Variants in XRN1 observed in about 807,000 individuals in gnomAD.
XRN1 encodes the protein 5'-3' exoribonuclease 1.
Under a neutral mutation model 222.3 loss-of-function variants are expected in XRN1, and 67 were observed. The ratio of observed to expected loss-of-function variants is 0.30; its 90% CI spans 0.25 to 0.37. XRN1 has a LOEUF of 0.37. Among genes scored for constraint, XRN1 ranks in the 10% least tolerant of loss-of-function variants. The pLI is 1.00. For synonymous variants in XRN1, 643 were observed against 652.4 expected (o/e 0.99, Z 0.22); for missense variants, 1,707 against 2,000.2 (o/e 0.85, Z 2.80).
chr3:142,442,602 C>T (rs986226161), intron 1 of XRN1, among the ~76,000 whole-genome samples: 2 of 152,158 alleles, frequency 1.3e-5, no homozygotes, highest in Admixed American at 6.5e-5. Context: ...TGATAGCACC[C>T]ATCAGATGGC....
Position 142,409,205 on chromosome 3 carries a change from A to G in XRN1, c.1713+3339T>C, listed in dbSNP as rs187717487. ...TGGAAATTTTTTTGATTTTGGTGAA[A>G]TCTATTTTCTCAATTCTTTCCCTTT... On this transcript the variant is annotated intron_variant, in intron 15 of 40. Transcript: ENST00000392981. 4.2e-3 allele frequency among the ~76,000 whole-genome samples: 637 copies of G among 152,162 alleles called. 5 individuals carry two copies. Among genetic ancestry groups the G allele is most frequent in the African/African-American group, 0.015 (610 of 41,492 alleles).
intron 33 of XRN1, among the ~76,000 whole-genome samples, chr3:142,346,375 T>C (rs1166766365): frequency 2.0e-5 from 3 of 152,182 alleles, no homozygotes; most frequent in African/African-American, 7.2e-5. Context: ...AGATTACTTA[T>C]AATGCTTGAT....
At chr3:142,440,940 A>G (rs1013878967) in intron 1 of XRN1, among the ~76,000 whole-genome samples, 9 of 152,168 alleles carry the variant, frequency 5.9e-5, no homozygotes, top group African/African-American at 2.2e-4. Flanking sequence ...TTAGCCCAAG[A>G]CTTGAGCCAA....
intron 39 of XRN1, among the ~76,000 whole-genome samples, chr3:142,316,791 G>C (rs1458960268): frequency 6.6e-6 from 1 of 152,138 alleles, no homozygotes; most frequent in East Asian, 1.9e-4. Flanking sequence ...GGGTAGGCAA[G>C]GCATGAAGGC....
At chr3:142,330,667 T>C (rs2065671207) in intron 36 of XRN1, among the ~76,000 whole-genome samples, 1 of 151,978 alleles carries the variant, frequency 6.6e-6, no homozygotes, top group Non-Finnish European at 1.5e-5. Flanking sequence ...CATCTTTATC[T>C]AATTTTGTCT....
At chr3:142,342,363 T>C (rs1285790075) in intron 33 of XRN1, among the ~76,000 whole-genome samples, 1 of 152,128 alleles carries the variant, frequency 6.6e-6, no homozygotes, top group Admixed American at 6.5e-5. Flanking sequence ...AAATGTCCTA[T>C]TACTCAAAGG....
Position 142,442,452 on chromosome 3 carries a change from G to T in XRN1, c.75+5418C>A, listed in dbSNP as rs1408489585. On this transcript the variant is annotated intron_variant, in intron 1 of 40. Coordinates refer to ENST00000392981, the MANE Select transcript of XRN1 (RefSeq NM_001282857.2). ...AACCAAGCCCCAGTACTCAGAAGAA[G>T]AAATAGAATGGGGAAGCTCACGAGG... is the stretch of plus-strand genomic sequence containing the variant. Among the ~76,000 whole-genome samples, 6 of 152,198 alleles carry T rather than the reference G, an allele frequency of 3.9e-5. No homozygotes were observed. The East Asian group carries it at 1.2e-3, about 29-fold the overall frequency.
At chr3:142,326,690 T>C (rs2065526292) in intron 37 of XRN1, among the ~76,000 whole-genome samples, 1 of 152,140 alleles carries the variant, frequency 6.6e-6, no homozygotes, top group Non-Finnish European at 1.5e-5. Context: ...AAAGTGGGCA[T>C]CCTTGTCTTG....
intron 20 of XRN1, among the ~76,000 whole-genome samples, chr3:142,390,818 A>G (rs2107974953): frequency 6.6e-6 from 1 of 152,204 alleles, no homozygotes; most frequent in South Asian, 2.1e-4. Flanking sequence ...CCAGCTTTTG[A>G]TTTAAACCTA....
chr3:142,343,659 T>C (rs1188286155), intron 33 of XRN1, among the ~76,000 whole-genome samples: 2 of 152,064 alleles, frequency 1.3e-5, no homozygotes, highest in African/African-American at 2.4e-5. Flanking sequence ...ACAAACACTA[T>C]GGAGAACAAT....
chr3:142,389,761 C>G (rs2067647186), intron 20 of XRN1, among the ~76,000 whole-genome samples: 1 of 152,178 alleles, frequency 6.6e-6, no homozygotes, highest in Non-Finnish European at 1.5e-5. Context: ...CCCAGGTGAT[C>G]CACCCACCTC....
intron 18 of XRN1, 136 bp from the exon 19 acceptor site, chr3:142,400,683 C>T (rs1162554786): frequency 6.9e-6 from 4 of 578,926 alleles, no homozygotes; most frequent in African/African-American, 5.7e-5. Flanking sequence ...CAGTGACTCA[C>T]ACCTGTAATC....
intron 19 of XRN1, among the ~76,000 whole-genome samples, chr3:142,399,284 G>A (rs1309457370): frequency 6.8e-6 from 1 of 147,440 alleles, no homozygotes; most frequent in Non-Finnish European, 1.5e-5. Context: ...CACACTACCT[G>A]ATGTTAAGAC....
intron 15 of XRN1, among the ~76,000 whole-genome samples, chr3:142,409,245 C>T (rs1458928204): frequency 2.0e-5 from 3 of 152,020 alleles, no homozygotes; most frequent in African/African-American, 7.2e-5. Flanking sequence ...TTAGTGATTT[C>T]AGAATCTTGA....
At position 142,393,369 on chromosome 3, in the gene XRN1, C is replaced by T. The variant is rs369567496; in HGVS notation, c.2339+3960G>A. On this transcript the variant is annotated intron_variant, in intron 20 of 40. Coordinates refer to ENST00000392981, the MANE Select transcript of XRN1 (RefSeq NM_001282857.2). ...TCAATTTTGTCTTTTGTTGCCATTGCTTTTGGTGTTTTAGACATGAAGTCC... is the reference window on the plus strand; with the variant it reads ...TCAATTTTGTCTTTTGTTGCCATTGTTTTTGGTGTTTTAGACATGAAGTCC... Among the ~76,000 whole-genome samples, 37 of 143,836 alleles carry T rather than the reference C, an allele frequency of 2.6e-4. No homozygotes were observed. The South Asian group carries it at 8.5e-3, about 33-fold the overall frequency. 94.4% of individuals were successfully genotyped at this position (143,836 alleles called of 152,430 possible). A position where few individuals can be genotyped will look rare whatever the true frequency, so the allele number is the denominator to read the frequency against.
At position 142,397,326 on chromosome 3, in the gene XRN1, C is replaced by A; in HGVS notation, c.2339+3G>T. The A allele has an allele frequency of 6.3e-7, 1 of 1,581,678 alleles. No homozygotes were observed. ...GATATTAAATACTTTTAACGATACT[C>A]ACTGTTCTGAAATTCCTTGTACTTC... On this transcript the variant is annotated splice_donor_region_variant and intron_variant, in intron 20 of 40. Transcript: ENST00000392981.
chr3:142,404,018 A>C, intron 16 of XRN1, 29 bp from the exon 17 acceptor site: 3 of 1,503,950 alleles, frequency 2.0e-6, no homozygotes, highest in Non-Finnish European at 2.8e-6. Flanking sequence ...CATTTAATTT[A>C]AAATTAATAC....
intron 20 of XRN1, among the ~76,000 whole-genome samples, chr3:142,394,952 T>C (rs576584855): frequency 1.9e-4 from 29 of 152,336 alleles, no homozygotes; most frequent in African/African-American, 4.8e-4. Flanking sequence ...TATATGTTTA[T>C]AGGAAAAGAA....
chr3:142,415,639 A>T (rs2068755155), intron 13 of XRN1, among the ~76,000 whole-genome samples: 2 of 152,252 alleles, frequency 1.3e-5, no homozygotes, highest in Non-Finnish European at 2.9e-5. Context: ...TTTCTTCATG[A>T]GATTGCTCCT....
Sources: allele counts gnomAD v4.1 joint callset (sites outside exome capture counted in the v4.1 genomes callset), GRCh38; gene constraint gnomAD v4.1.1; transcripts MANE v1.5; gene names NCBI Gene and HGNC (gene_info 2026-07-23, HGNC 2026-07-21).